PLD1: variants seen among roughly 807,000 people sequenced by gnomAD.
PLD1 encodes the protein phospholipase D1.
In PLD1, 112 loss-of-function variants were observed where a neutral mutation model predicts 137.1. The ratio of observed to expected loss-of-function variants is 0.82; its 90% CI spans 0.70 to 0.96. PLD1 has a LOEUF of 0.96. PLD1 is among the 40% of genes least tolerant of loss of function. PLD1 has a pLI of 0.00. For missense variants in PLD1, 1,321 were observed against 1,342.0 expected, an observed-to-expected ratio of 0.98 and a Z score of 0.24; for synonymous variants, 431 against 454.7, an observed-to-expected ratio of 0.95 and a Z score of 0.66.
chr3:171,778,173 A>G lies in PLD1; in HGVS notation c.-32+32226T>C, dbSNP rs555289195. On this transcript the variant is annotated intron_variant, in intron 1 of 26. Transcript: ENST00000351298. ...ACTCAATATCTTATTTGACATTCAC[A>G]TCTGCCATATGAATTAGATACAATT... 3.1e-4 allele frequency among the ~76,000 whole-genome samples: 47 copies of G among 152,178 alleles called. 1 individual carries two copies. The highest frequency in any genetic ancestry group is 2.0e-4 in the Admixed American group (3 of 15,276).
intron 23 of PLD1, among the ~76,000 whole-genome samples, chr3:171,633,687 T>C (rs1734872003): frequency 6.6e-6 from 1 of 152,152 alleles, no homozygotes; most frequent in Non-Finnish European, 1.5e-5. Flanking sequence ...ATAAGGAAAT[T>C]TCGTGAAAGG....
At chr3:171,617,903 T>C (rs1480121541) in intron 24 of PLD1, among the ~76,000 whole-genome samples, 2 of 152,216 alleles carry the variant, frequency 1.3e-5, no homozygotes, top group Non-Finnish European at 2.9e-5. Flanking sequence ...AATACTTCCT[T>C]AACACCTATA....
chr3:171,662,973 C>G (rs1023859397), intron 19 of PLD1, among the ~76,000 whole-genome samples: 7 of 152,182 alleles, frequency 4.6e-5, no homozygotes, highest in Non-Finnish European at 8.8e-5. Flanking sequence ...CACTGTTTTG[C>G]CACTTCATCA....
chr3:171,660,977 C>A (rs1033929726), intron 20 of PLD1, among the ~76,000 whole-genome samples: 6 of 152,102 alleles, frequency 3.9e-5, no homozygotes, highest in African/African-American at 1.2e-4. Context: ...GATGAGCCAG[C>A]CTTCACATCT....
Position 171,674,647 on chromosome 3 carries a change from G to A in PLD1, c.2116-34C>T, listed in dbSNP as rs775974478. The A allele has an allele frequency of 9.3e-6, 11 of 1,188,106 alleles. No homozygotes were observed. In the East Asian group the frequency reaches 2.4e-4, roughly 26 times the overall value. The allele number at this position is 1,188,106 out of a possible 1,614,324, so 73.6% of individuals were successfully genotyped here. On this transcript the variant is annotated intron_variant, in intron 18 of 26. Transcript: ENST00000351298. ...AAGAAAAAGGATAAAATATTCAAAT[G>A]AGAAAAAAGATTCATTCTCCCTACT...
At chr3:171,755,016 C>T (rs1720919202) in intron 1 of PLD1, among the ~76,000 whole-genome samples, 1 of 152,058 alleles carries the variant, frequency 6.6e-6, no homozygotes, top group African/African-American at 2.4e-5. Context: ...GCATGCAGTC[C>T]ATCTCTGACT....
At chr3:171,659,190 A>G in intron 21 of PLD1, 23 bp downstream of exon 21, 5 of 1,485,518 alleles carry the variant, frequency 3.4e-6, no homozygotes, top group Non-Finnish European at 4.7e-6. Flanking sequence ...CTGCAGCGAG[A>G]ACTCTCAGCC....
Position 171,603,178 on chromosome 3 carries a change from C to T in PLD1, c.3125G>A (p.Gly1042Glu), listed in dbSNP as rs756297631. The T allele has an allele frequency of 1.2e-6, 2 of 1,614,108 alleles. No individual in the cohort carries two copies. Among genetic ancestry groups the T allele is most frequent in the Non-Finnish European group, 1.7e-6 (2 of 1,179,970 alleles). ...RAEEELKKIRGFLVQFPFYFL... is the reference protein window; with the variant it reads ...RAEEELKKIREFLVQFPFYFL... ...ATAAAAGGGGAATTGCACCAAAAAT[C>T]CACGGATCTTCTTCAGTTCCTCCTC... The change falls in exon 27 of 27, where the codon GGA (glycine) becomes GAA (glutamate). Residue 1042 changes from glycine (G) to glutamate (E), a missense_variant. Gly to Glu is a moderately conservative substitution (Grantham distance 98). Transcript: ENST00000351298.
At chr3:171,606,726 CAG>C (rs1177846955) in intron 25 of PLD1, among the ~76,000 whole-genome samples, 1 of 152,168 alleles carries the variant, frequency 6.6e-6, no homozygotes, top group East Asian at 1.9e-4. Flanking sequence ...TTAATGGCTG[CAG>C]AGTTTCCTAT....
chr3:171,726,746 C>T (rs1217505714), intron 6 of PLD1, among the ~76,000 whole-genome samples: 5 of 152,206 alleles, frequency 3.3e-5, no homozygotes, highest in Non-Finnish European at 4.4e-5. Context: ...ATTATAACAA[C>T]AACTGTGGCT....
chr3:171,723,904 T>TTTGTGGG (rs1484502735), intron 8 of PLD1, among the ~76,000 whole-genome samples: 1 of 152,146 alleles, frequency 6.6e-6, no homozygotes, highest in Non-Finnish European at 1.5e-5. Context: ...CATTCTGTGG[T>TTTGTGGG]TTATCTCTTC....
intron 25 of PLD1, among the ~76,000 whole-genome samples, chr3:171,611,039 G>A (rs1005356571): frequency 3.3e-5 from 5 of 152,206 alleles, no homozygotes; most frequent in African/African-American, 1.2e-4. Flanking sequence ...CCATCTGCAA[G>A]TGAGCCAGTT....
Position 171,600,547 on chromosome 3 carries a change from T to G in PLD1, c.*2531A>C, listed in dbSNP as rs1731771665. 6.6e-6 allele frequency: 1 copy of G among 152,182 alleles called. No individual in the cohort carries two copies. The highest frequency in any genetic ancestry group is 1.9e-4 in the East Asian group (1 of 5,198). 9.4% of individuals were successfully genotyped at this position (152,182 alleles called of 1,614,324 possible). On this transcript the variant is annotated 3_prime_UTR_variant, in exon 27 of 27. Coordinates refer to ENST00000351298, the MANE Select transcript of PLD1 (RefSeq NM_002662.5). ...AATGTTAAAGATAAATTATTTGAAC[T>G]TCTAGTAGGTAGTAATGGTGTCAGA... is the stretch of plus-strand genomic sequence containing the variant.
intron 1 of PLD1, among the ~76,000 whole-genome samples, chr3:171,763,830 C>CTTTTTTTT (rs71178234): frequency 1.6e-3 from 140 of 86,666 alleles, no homozygotes; most frequent in East Asian, 4.1e-3. Flanking sequence ...TTCTTTCTTT[C>CTTTTTTTT]TTTTTTTTTT....
intron 23 of PLD1, 33 bp downstream of exon 23, chr3:171,642,807 A>T: frequency 7.6e-7 from 1 of 1,315,026 alleles, no homozygotes; most frequent in Non-Finnish European, 1.1e-6. Context: ...CATAATAAAA[A>T]ACAATGATAT....
rs1020327500 is a variant in PLD1, at chr3:171,704,853, A to C, written c.1145+3902T>G. On this transcript the variant is annotated intron_variant, in intron 11 of 26. Transcript: ENST00000351298. ...CCATGGGTGGGAGCTGGGGGTAAGG[A>C]TAATTTCTGGATGAAACTGTTGCAC... is the stretch of plus-strand genomic sequence containing the variant. 5.3e-5 allele frequency among the ~76,000 whole-genome samples: 8 copies of C among 152,300 alleles called. No homozygotes were observed. In the East Asian group the frequency reaches 1.2e-3, roughly 22 times the overall value.
intron 26 of PLD1, among the ~76,000 whole-genome samples, chr3:171,604,175 G>GTGCT (rs1419777283): frequency 6.6e-6 from 1 of 151,930 alleles, no homozygotes; most frequent in African/African-American, 2.4e-5. Context: ...TTAGCTGGGT[G>GTGCT]TGCTGGTGGG....
chr3:171,794,560 C>T (rs895514860), intron 1 of PLD1, among the ~76,000 whole-genome samples: 4 of 152,064 alleles, frequency 2.6e-5, no homozygotes, highest in Non-Finnish European at 1.5e-5. Flanking sequence ...ATAATCACAT[C>T]GTTTCTGTTT....
intron 23 of PLD1, among the ~76,000 whole-genome samples, chr3:171,633,224 T>C (rs938004451): frequency 6.6e-6 from 1 of 152,190 alleles, no homozygotes; most frequent in African/African-American, 2.4e-5. Flanking sequence ...AAAACTGCCT[T>C]GACATGTAAT....
Sources: allele counts gnomAD v4.1 joint callset (sites outside exome capture counted in the v4.1 genomes callset), GRCh38; gene constraint gnomAD v4.1.1; transcripts MANE v1.5; gene names NCBI Gene and HGNC (gene_info 2026-07-23, HGNC 2026-07-21).